The following ZBTB38 variants were observed in gnomAD, a reference collection of about 807,000 sequenced individuals.
ZBTB38 encodes zinc finger and BTB domain containing 38, also known as zinc finger and BTB domain-containing protein 38.
A neutral mutation model predicts 76.8 loss-of-function variants in ZBTB38; 20 were observed. The ratio of observed to expected loss-of-function variants is 0.26; its 90% CI spans 0.18 to 0.38. The LOEUF (loss-of-function observed/expected upper bound fraction) is 0.38, where lower values mean the gene tolerates loss of function less well. Among genes scored for constraint, ZBTB38 ranks in the 10% least tolerant of loss-of-function variants. The pLI is 1.00. For missense variants in ZBTB38, 1,082 were observed against 1,482.3 expected (o/e 0.73, Z 4.43); for synonymous variants, 504 against 544.2 (o/e 0.93, Z 1.03).
intron 1 of ZBTB38, among the ~76,000 whole-genome samples, chr3:141,353,378 C>A (rs1943575244): frequency 6.6e-6 from 1 of 152,116 alleles, no homozygotes; most frequent in Non-Finnish European, 1.5e-5. Flanking sequence ...CTTCCTCCAA[C>A]CCACACCTCT....
chr3:141,391,842 A>G (rs1053377397), intron 4 of ZBTB38, among the ~76,000 whole-genome samples: 5 of 152,144 alleles, frequency 3.3e-5, no homozygotes, highest in Non-Finnish European at 5.9e-5. Context: ...ATCAGAGTGA[A>G]GTTTTTTTCA....
chr3:141,441,701 A>G (rs1209943162), intron 5 of ZBTB38, among the ~76,000 whole-genome samples: 1 of 152,176 alleles, frequency 6.6e-6, no homozygotes, highest in Non-Finnish European at 1.5e-5. Context: ...CCACTTAAGG[A>G]AAATTCATTT....
chr3:141,408,195 CT>C (rs1328295163), intron 5 of ZBTB38, among the ~76,000 whole-genome samples: 1 of 152,234 alleles, frequency 6.6e-6, no homozygotes, highest in African/African-American at 2.4e-5. Context: ...CTTAAAGTCA[CT>C]TAATTTTTAG....
At chr3:141,370,095 A>G (rs900796404) in intron 2 of ZBTB38, 149 bp downstream of exon 2, 1 of 152,274 alleles carries the variant, frequency 6.6e-6, no homozygotes, top group African/African-American at 2.4e-5. Flanking sequence ...ATATTAGGAT[A>G]GGCTAATTGT....
intron 2 of ZBTB38, among the ~76,000 whole-genome samples, chr3:141,375,319 A>G (rs1945212498): frequency 6.6e-6 from 1 of 152,212 alleles, no homozygotes; most frequent in Non-Finnish European, 1.5e-5. Context: ...AGGTTGAACT[A>G]GACAAAGGGC....
rs1162245883 is a variant in ZBTB38, at chr3:141,443,900, A to C, written c.1512A>C (p.Thr504=). 1 of 1,614,160 alleles carries C rather than the reference A, an allele frequency of 6.2e-7. No individual in the cohort carries two copies. The highest frequency in any genetic ancestry group is 1.7e-5 in the Admixed American group (1 of 60,026). The change falls in exon 6 of 6, where the codon ACA becomes ACC. Residue 504 remains threonine (T), a synonymous_variant. Coordinates refer to ENST00000321464, the MANE Select transcript of ZBTB38 (RefSeq NM_001376113.1). The surrounding 1 kb of genome is among the most constrained non-coding windows in gnomAD (Gnocchi z 5.6). ...NKVFALAEYR[T]RHEIWHTGER... ...TATTTGCATTGGCTGAGTACAGGACAAGGCATGAAATTTGGCATACGGGAG... is the reference window on the plus strand; with the variant it reads ...TATTTGCATTGGCTGAGTACAGGACCAGGCATGAAATTTGGCATACGGGAG...
At chr3:141,379,568 C>T (rs570358464) in intron 2 of ZBTB38, among the ~76,000 whole-genome samples, 1 of 152,290 alleles carries the variant, frequency 6.6e-6, no homozygotes, top group Non-Finnish European at 1.5e-5. Context: ...GAGTTGGCAA[C>T]CAGGATCGTG....
At chr3:141,435,538 G>C (rs937685798) in intron 5 of ZBTB38, among the ~76,000 whole-genome samples, 18 of 151,962 alleles carry the variant, frequency 1.2e-4, no homozygotes, top group African/African-American at 4.3e-4. Flanking sequence ...GTGGTGGGCA[G>C]ATTACAAGGT....
chr3:141,433,325 TG>T (rs781284303), intron 5 of ZBTB38, among the ~76,000 whole-genome samples: 7 of 143,948 alleles, frequency 4.9e-5, no homozygotes, highest in Non-Finnish European at 8.9e-5. Flanking sequence ...ACTTTTGTTT[TG>T]TTTTTTTTTG....
intron 1 of ZBTB38, among the ~76,000 whole-genome samples, chr3:141,340,954 G>GA (rs375341315): frequency 0.022 from 1,182 of 53,302 alleles, 25 homozygotes; most frequent in African/African-American, 0.14. Flanking sequence ...AAGAAGGAAA[G>GA]AAAGAAAGAA....
At chr3:141,402,285 G>A (rs891037247) in intron 4 of ZBTB38, 1 of 151,964 alleles carries the variant, frequency 6.6e-6, no homozygotes, top group African/African-American at 2.4e-5. Context: ...CCTCCCGGAC[G>A]GGCTGCGTCC....
chr3:141,379,194 G>A (rs1489094722), intron 2 of ZBTB38, among the ~76,000 whole-genome samples: 1 of 152,126 alleles, frequency 6.6e-6, no homozygotes, highest in East Asian at 1.9e-4. Context: ...AGACAGTTTT[G>A]AAATTAAATT....
chr3:141,375,500 T>C (rs1409798133), intron 2 of ZBTB38, among the ~76,000 whole-genome samples: 1 of 152,218 alleles, frequency 6.6e-6, no homozygotes, highest in Non-Finnish European at 1.5e-5. Context: ...CACGTGCCCA[T>C]CTTGGTCACC....
intron 4 of ZBTB38, among the ~76,000 whole-genome samples, chr3:141,390,436 A>G (rs1306762293): frequency 2.6e-5 from 4 of 152,326 alleles, no homozygotes; most frequent in South Asian, 2.1e-4. Context: ...ATAAAATACT[A>G]TAATATTTAT....
In ZBTB38 at chr3:141,443,536, T is replaced by A; in HGVS notation, c.1148T>A (p.Leu383Gln). The A allele has an allele frequency of 5.0e-6, 8 of 1,614,218 alleles. No homozygotes were observed. The highest frequency in any genetic ancestry group is 6.8e-6 in the Non-Finnish European group (8 of 1,180,048). The change falls in exon 6 of 6, where the codon CTG becomes CAG. Residue 383 changes from leucine (L) to glutamine (Q), a missense_variant. Around this residue, in one of 8 missense-constraint regions of ZBTB38, gnomAD observed 324 missense variants for 359.1 expected, o/e 0.90. Coordinates refer to ENST00000321464, the MANE Select transcript of ZBTB38 (RefSeq NM_001376113.1). This position sits in a 1 kb window ranked among gnomAD's most constrained non-coding sequence, Gnocchi z 5.6. Reference protein sequence around the residue: ...CKYCNKQFTTLNRLDRHEQIC... With the variant: ...CKYCNKQFTTQNRLDRHEQIC... ...TATTGCAACAAACAATTCACCACCC[T>A]GAACAGGTTGGATCGGCATGAACAG...
chr3:141,364,676 TAAAAAAAAAAAAAA>T (rs59398877), upstream of ZBTB38, among the ~76,000 whole-genome samples: 12 of 43,438 alleles, frequency 2.8e-4, no homozygotes, highest in East Asian at 3.8e-3. Context: ...AAACTACATC[TAAAAAAAAAAAAAA>T]AAAAAAAAAA....
chr3:141,340,970 G>GA lies in ZBTB38; in HGVS notation c.-739+16517dup, dbSNP rs767489717. On this transcript the variant is annotated intron_variant, in intron 1 of 7. Coordinates refer to the ZBTB38 transcript ENST00000509842. ...AGAAGGAAAGAAAGAAAGAAAGAAA[G>GA]AAAGAAAGAAAGAAAGAAAGAGAAA... Among the ~76,000 whole-genome samples, 253 of 92,130 alleles carry GA rather than the reference G, an allele frequency of 2.7e-3. 1 individual carries two copies. The highest frequency in any genetic ancestry group is 0.015 in the African/African-American group (238 of 15,670). The allele number at this position is 92,130 out of a possible 152,430, so 60.4% of individuals were successfully genotyped here. A position where few individuals can be genotyped will look rare whatever the true frequency, so the allele number is the denominator to read the frequency against.
At chr3:141,380,050 T>C (rs1175974164) in intron 2 of ZBTB38, among the ~76,000 whole-genome samples, 3 of 152,260 alleles carry the variant, frequency 2.0e-5, no homozygotes, top group East Asian at 3.8e-4. Context: ...TTTTTTTTAA[T>C]TGAGTCAGTG....
At chr3:141,328,288 A>G (rs564346049) in intron 1 of ZBTB38, among the ~76,000 whole-genome samples, 5 of 152,266 alleles carry the variant, frequency 3.3e-5, no homozygotes, top group South Asian at 2.1e-4. Context: ...TTATTTGCCA[A>G]TGACTCTCAG....
Sources: gnomAD v4.1 joint callset for allele counts (sites outside exome capture counted in the v4.1 genomes callset) on GRCh38, gnomAD v4.1.1 for gene constraint, gnomAD v4.1.1 regional missense constraint, Gnocchi (gnomAD v3.1) non-coding constraint, MANE v1.5 for transcripts, NCBI Gene and HGNC (gene_info 2026-07-23, HGNC 2026-07-21) for gene names.